The following RERE variants were observed in gnomAD, a reference collection of about 807,000 sequenced individuals.
RERE encodes the protein arginine-glutamic acid dipeptide repeats.
Under a neutral mutation model 146.1 loss-of-function variants are expected in RERE, and 40 were observed. That is an observed-to-expected ratio of 0.27 (90% CI 0.21 to 0.36). The LOEUF is 0.36. Among genes scored for constraint, RERE ranks in the 10% least tolerant of loss-of-function variants. The pLI is 1.00. For synonymous variants in RERE, 1,003 were observed against 866.0 expected (o/e 1.16, Z -2.78); for missense variants, 1,933 against 2,138.7 (o/e 0.90, Z 1.90).
chr1:8,654,112 T>G (rs773180241), intron 2 of RERE, among the ~76,000 whole-genome samples: 1 of 151,914 alleles, frequency 6.6e-6, no homozygotes, highest in Non-Finnish European at 1.5e-5. Context: ...TGAACGGGGC[T>G]TACTGCAGCC....
chr1:8,666,807 T>C (rs1638585896), intron 1 of RERE, among the ~76,000 whole-genome samples: 1 of 152,234 alleles, frequency 6.6e-6, no homozygotes, highest in Non-Finnish European at 1.5e-5. Context: ...TTTTTCCATG[T>C]TTTAAAGTTC....
chr1:8,580,790 G>A (rs1455501498), intron 4 of RERE, among the ~76,000 whole-genome samples: 2 of 151,464 alleles, frequency 1.3e-5, no homozygotes, highest in Non-Finnish European at 2.9e-5. Context: ...TCGGCTCACT[G>A]CAAGCTCCAC....
chr1:8,529,950 G>A (rs1645620909), intron 7 of RERE, among the ~76,000 whole-genome samples: 1 of 152,178 alleles, frequency 6.6e-6, no homozygotes, highest in African/African-American at 2.4e-5. Context: ...ATCCCAGAGA[G>A]GGGCCTTGTT....
At chr1:8,556,616 A>G (rs1470588830) in intron 5 of RERE, 45 bp from the exon 6 acceptor site, 16 of 1,197,308 alleles carry the variant, frequency 1.3e-5, no homozygotes, top group Middle Eastern at 4.2e-4. Flanking sequence ...GAGTTTCCCA[A>G]AACAAGTAAA....
At chr1:8,392,280 T>G (rs1642907649) in intron 12 of RERE, among the ~76,000 whole-genome samples, 1 of 152,180 alleles carries the variant, frequency 6.6e-6, no homozygotes, top group African/African-American at 2.4e-5. Flanking sequence ...CAGAGGGCAT[T>G]TGTAAGAAAT....
intron 4 of RERE, among the ~76,000 whole-genome samples, chr1:8,585,187 C>T (rs886663584): frequency 6.6e-6 from 1 of 150,632 alleles, no homozygotes; most frequent in Non-Finnish European, 1.5e-5. Flanking sequence ...TAGTCTAATT[C>T]TGTCACCCCT....
rs775374818 is a variant in RERE at position 8,358,653 on chromosome 1, G to A, written c.3882C>T (p.Asn1294=). The A allele has an allele frequency of 1.2e-5, 19 of 1,585,548 alleles. No homozygotes were observed. The highest frequency in any genetic ancestry group is 1.5e-5 in the Non-Finnish European group (18 of 1,165,410). The part of the protein sequence containing the change: ...LLAYHMPGLY[N]VDPTIREREL... The stretch of plus-strand genomic sequence containing the variant: ...CCCGCTCGCGGATGGTGGGGTCGAC[G>A]TTGTAGAGGCCAGGCATGTGGTAGG... The change falls in exon 20 of 23, where the codon AAC becomes AAT. Residue 1294 remains asparagine (N), a synonymous_variant. Transcript: ENST00000400908.
Position 8,759,838 on chromosome 1 carries a change from T to C in RERE, c.-145+57322A>G, listed in dbSNP as rs533424850. On this transcript the variant is annotated intron_variant, in intron 1 of 22. Coordinates refer to ENST00000400908, the MANE Select transcript of RERE (RefSeq NM_001042681.2). ...TAACTCTAAATTCTTACTCTCTCTATACACACACACACACACACACACACA... is the reference window on the plus strand; with the variant it reads ...TAACTCTAAATTCTTACTCTCTCTACACACACACACACACACACACACACA... Among the ~76,000 whole-genome samples the C allele has an allele frequency of 7.8e-3, 1,117 of 142,320 alleles. 5 individuals are homozygous for C. Among genetic ancestry groups the C allele is most frequent in the Non-Finnish European group, 1.0e-2 (648 of 65,034 alleles). The allele number at this position is 142,320 out of a possible 152,430, so 93.4% of individuals were successfully genotyped here.
chr1:8,725,394 C>T (rs1372176785), intron 1 of RERE, among the ~76,000 whole-genome samples: 3 of 152,116 alleles, frequency 2.0e-5, no homozygotes, highest in Non-Finnish European at 2.9e-5. Flanking sequence ...GGTAAAGCCC[C>T]GTTTCTACTT....
chr1:8,445,651 T>TC (rs1644306813), intron 11 of RERE, among the ~76,000 whole-genome samples: 1 of 151,598 alleles, frequency 6.6e-6, no homozygotes, highest in South Asian at 2.1e-4. Flanking sequence ...GACAATCGTC[T>TC]CCATCAGCAA....
intron 7 of RERE, among the ~76,000 whole-genome samples, chr1:8,515,036 T>C (rs1033016225): frequency 3.3e-5 from 5 of 152,188 alleles, no homozygotes; most frequent in Non-Finnish European, 7.4e-5. Flanking sequence ...ATGTTAGTAT[T>C]GCTATTCACA....
At chr1:8,437,497 A>G (rs1436905705) in intron 11 of RERE, among the ~76,000 whole-genome samples, 1 of 151,982 alleles carries the variant, frequency 6.6e-6, no homozygotes, top group African/African-American at 2.4e-5. Flanking sequence ...GGCTATCCCC[A>G]TGCAGAATGG....
At chr1:8,466,589 A>G (rs1644601097) in intron 10 of RERE, among the ~76,000 whole-genome samples, 1 of 152,152 alleles carries the variant, frequency 6.6e-6, no homozygotes, top group African/African-American at 2.4e-5. Flanking sequence ...CTTTCTTTTT[A>G]GCATTTCTTA....
chr1:8,468,199 T>G (rs1024232402), intron 10 of RERE, among the ~76,000 whole-genome samples: 1 of 152,196 alleles, frequency 6.6e-6, no homozygotes, highest in Admixed American at 6.5e-5. Context: ...TTATTATTAT[T>G]TATCAATAAA....
In RERE at chr1:8,358,697, G is replaced by A. The variant is rs773051439; in HGVS notation, c.3838C>T (p.Pro1280Ser). The A allele has an allele frequency of 6.3e-7, 1 of 1,595,906 alleles. No homozygotes were observed. The highest frequency in any genetic ancestry group is 8.6e-7 in the Non-Finnish European group (1 of 1,169,568). ...RNHPFYMPLN[P>S]TDPLLAYHMP... ...TGGTAGGCCAGCAGGGGGTCCGTGG[G>A]GTTAAGGGGCATGTAGAAGGGGTGG... Residue 1280 changes from proline (P) to serine (S), a missense_variant, in exon 20 of 23, where the codon CCC (proline) becomes TCC (serine). Transcript: ENST00000400908.
chr1:8,525,103 C>T (rs1645554111), intron 7 of RERE, among the ~76,000 whole-genome samples: 1 of 152,132 alleles, frequency 6.6e-6, no homozygotes, highest in Non-Finnish European at 1.5e-5. Context: ...GATGAGTCTG[C>T]TTCCTTTTGA....
chr1:8,736,307 T>C (rs931839406), intron 1 of RERE, among the ~76,000 whole-genome samples: 11 of 152,228 alleles, frequency 7.2e-5, no homozygotes, highest in South Asian at 4.1e-4. Flanking sequence ...CCTGGGTTCA[T>C]GCCATTCTCC....
chr1:8,607,501 A>G, intron 4 of RERE, among the ~76,000 whole-genome samples: 1 of 142,356 alleles, frequency 7.0e-6, no homozygotes, highest in African/African-American at 2.6e-5. Flanking sequence ...AAAGCCTAGG[A>G]GAAGCCCCGC....
chr1:8,814,260 T>C (rs563276882), intron 1 of RERE, among the ~76,000 whole-genome samples: 1 of 152,328 alleles, frequency 6.6e-6, no homozygotes, highest in East Asian at 1.9e-4. Flanking sequence ...CAGTCCCCTT[T>C]ACCACTGCAA....
Sources: allele counts gnomAD v4.1 joint callset (sites outside exome capture counted in the v4.1 genomes callset), GRCh38; gene constraint gnomAD v4.1.1; transcripts MANE v1.5; gene names NCBI Gene and HGNC (gene_info 2026-07-23, HGNC 2026-07-21).